Variants in BPTF observed in about 807,000 individuals in gnomAD.
The protein encoded by BPTF is bromodomain PHD finger transcription factor.
A neutral mutation model predicts 292.5 loss-of-function variants in BPTF; 18 were observed. The observed-to-expected ratio is 0.06, with a 90% CI of 0.04 to 0.09. BPTF has a LOEUF of 0.09. Among genes scored for constraint, BPTF ranks in the 10% least tolerant of loss-of-function variants. The pLI, the probability that BPTF is intolerant of heterozygous loss-of-function variation, is 1.00. For synonymous variants in BPTF, 1,225 were observed against 1,251.9 expected, an observed-to-expected ratio of 0.98 and a Z score of 0.45; for missense variants, 2,726 against 3,498.7, an observed-to-expected ratio of 0.78 and a Z score of 5.57.
chr17:67,843,543 T>G (rs1027684895), intron 1 of BPTF, among the ~76,000 whole-genome samples: 21 of 148,852 alleles, frequency 1.4e-4, no homozygotes, highest in African/African-American at 4.9e-4. Context: ...GATATATATA[T>G]AGTATAAATA....
chr17:67,837,102 C>T (rs2057189535), intron 1 of BPTF, among the ~76,000 whole-genome samples: 1 of 152,094 alleles, frequency 6.6e-6, no homozygotes, highest in Non-Finnish European at 1.5e-5. Flanking sequence ...CAGGTTAGGA[C>T]CCTCTTTAAG....
In BPTF at chr17:67,942,304, G is replaced by A. The variant is rs147378367; in HGVS notation, c.6477+1648G>A. The stretch of plus-strand genomic sequence containing the variant: ...CACTCCAACCTAGGCAACAGACTCC[G>A]TCTCAAAAAAAAGAAAAACAAAAAA... On this transcript the variant is annotated intron_variant, in intron 19 of 27. Transcript: ENST00000306378. 2.9e-4 allele frequency among the ~76,000 whole-genome samples: 33 copies of A among 114,900 alleles called. No homozygotes were observed. In the East Asian group the frequency reaches 5.2e-3, roughly 18 times the overall value. The allele number at this position is 114,900 out of a possible 152,430, so 75.4% of individuals were successfully genotyped here. A position where few individuals can be genotyped will look rare whatever the true frequency, so the allele number is the denominator to read the frequency against.
chr17:67,947,969 T>A, intron 22 of BPTF, 112 bp from the exon 23 acceptor site: 1 of 1,288,780 alleles, frequency 7.8e-7, no homozygotes, highest in African/African-American at 1.5e-5. Flanking sequence ...ACTCTTGACG[T>A]TTTCCAGTCA....
At chr17:67,938,060 C>A (rs937061796) in intron 18 of BPTF, among the ~76,000 whole-genome samples, 14 of 152,254 alleles carry the variant, frequency 9.2e-5, no homozygotes, top group Non-Finnish European at 1.9e-4. Context: ...TTGCAGTGAG[C>A]TGAGACCGCC....
At chr17:67,900,537 C>G (rs2061762292) in intron 7 of BPTF, among the ~76,000 whole-genome samples, 1 of 149,546 alleles carries the variant, frequency 6.7e-6, no homozygotes, top group South Asian at 2.2e-4. Context: ...CAAGACCAGC[C>G]TGGGCAACAT....
At chr17:67,919,220 A>C (rs1395042805) in intron 12 of BPTF, among the ~76,000 whole-genome samples, 1 of 143,638 alleles carries the variant, frequency 7.0e-6, no homozygotes, top group Non-Finnish European at 1.5e-5. Context: ...AATAATAATA[A>C]AATATAATGC....
chr17:67,883,533 T>G (rs1374878135), intron 4 of BPTF, among the ~76,000 whole-genome samples: 3 of 152,206 alleles, frequency 2.0e-5, no homozygotes, highest in Non-Finnish European at 4.4e-5. Flanking sequence ...AACCATGTCT[T>G]TCTTTTCTAA....
chr17:67,867,012 A>G (rs73995044), intron 3 of BPTF, among the ~76,000 whole-genome samples: 15,339 of 152,270 alleles, frequency 0.1, 2,641 homozygotes, highest in African/African-American at 0.35. Flanking sequence ...AACTATATCT[A>G]AACATTTAAA....
At chr17:67,862,560 C>T (rs555414097) in intron 2 of BPTF, among the ~76,000 whole-genome samples, 1 of 152,230 alleles carries the variant, frequency 6.6e-6, no homozygotes, top group Admixed American at 6.5e-5. Context: ...AGAATGTGTG[C>T]TCCTAAGCAC....
chr17:67,960,092 C>A (rs1373839995), intron 24 of BPTF: 24 of 441,920 alleles, frequency 5.4e-5, no homozygotes, highest in East Asian at 3.7e-5. Context: ...TTGTTATATT[C>A]TTTTCTGTCA....
chr17:67,862,570 C>T (rs2059148976), intron 2 of BPTF, among the ~76,000 whole-genome samples: 1 of 152,110 alleles, frequency 6.6e-6, no homozygotes, highest in South Asian at 2.1e-4. Context: ...CTCCTAAGCA[C>T]TACTTGGGCT....
intron 4 of BPTF, among the ~76,000 whole-genome samples, chr17:67,885,730 T>C (rs1263532782): frequency 1.3e-5 from 2 of 152,256 alleles, no homozygotes; most frequent in African/African-American, 4.8e-5. Flanking sequence ...AGTAAGACTA[T>C]AAGCTTCAGA....
chr17:67,930,456 C>A (rs2147496450), intron 17 of BPTF, among the ~76,000 whole-genome samples: 1 of 152,108 alleles, frequency 6.6e-6, no homozygotes, highest in Non-Finnish European at 1.5e-5. Context: ...GTCTCGGCCT[C>A]CCAAAGTGCT....
Position 67,925,201 on chromosome 17 carries a change from C to T in BPTF, c.5751+612C>T, listed in dbSNP as rs1180957174. Among the ~76,000 whole-genome samples the T allele has an allele frequency of 9.2e-5, 14 of 152,004 alleles. No homozygotes were observed. The South Asian group carries it at 1.0e-3, about 11-fold the overall frequency. On this transcript the variant is annotated intron_variant, in intron 15 of 27. Transcript: ENST00000306378. Reference sequence around the variant, plus strand: ...AAATAAGATTTCTATTATTTATTATCTTTAGAGTTTCATAAGTAATTTCTG... The same window carrying T: ...AAATAAGATTTCTATTATTTATTATTTTTAGAGTTTCATAAGTAATTTCTG...
chr17:67,846,637 A>G (rs2058048712), intron 1 of BPTF, among the ~76,000 whole-genome samples: 1 of 152,202 alleles, frequency 6.6e-6, no homozygotes, highest in African/African-American at 2.4e-5. Flanking sequence ...AGGTCAAGTC[A>G]GGTGGTTTTT....
rs765650702 is a variant in BPTF, at chr17:67,912,709, G to T, written c.4825G>T (p.Asp1609Tyr). ...SKTVIKVEKG[D>Y]KQTVVSSTEN... ...AACTGTGATCAAGGTAGAAAAAGGC[G>T]ATAAGCAAACTGTGGTTTCTTCCAC... is the stretch of plus-strand genomic sequence containing the variant. The change falls in exon 11 of 28, where the codon GAT (aspartate) becomes TAT (tyrosine). Residue 1609 changes from aspartate (D) to tyrosine (Y), a missense_variant. Physicochemically the swap from Asp to Tyr is radical, Grantham distance 160. Around this residue, in one of 22 missense-constraint regions of BPTF, gnomAD observed 144 missense variants for 177.2 expected, o/e 0.81. Transcript: ENST00000306378. 2.5e-6 allele frequency: 4 copies of T among 1,614,016 alleles called. No individual in the cohort carries two copies. In the East Asian group the frequency reaches 8.9e-5, roughly 36 times the overall value.
At chr17:67,916,881 C>T (rs542070501) in intron 11 of BPTF, among the ~76,000 whole-genome samples, 121 of 151,890 alleles carry the variant, frequency 8.0e-4, no homozygotes, top group African/African-American at 2.8e-3. Flanking sequence ...TTTGTCTACA[C>T]CATAATCAAC....
In BPTF at chr17:67,891,872, C is replaced by T. The variant is rs779058124; in HGVS notation, c.1893C>T (p.Asn631=). Residue 631 remains asparagine, a synonymous_variant, in exon 5 of 28, where the codon AAC becomes AAT. Coordinates refer to ENST00000306378, the MANE Select transcript of BPTF (RefSeq NM_182641.4). ...EVGDFKSEKS[N]GELSESPGAG... is the part of the protein sequence containing the mutation. ...GTGATTTCAAATCGGAGAAGTCCAA[C>T]GGGGAGCTAAGTGAATCTCCTGGAG... 15 of 1,604,862 alleles carry T rather than the reference C, an allele frequency of 9.3e-6. No individual in the cohort carries two copies. The highest frequency in any genetic ancestry group is 2.7e-5 in the African/African-American group (2 of 74,284).
chr17:67,960,551 G>A (rs1568188045), intron 24 of BPTF, among the ~76,000 whole-genome samples: 1 of 152,128 alleles, frequency 6.6e-6, no homozygotes, highest in Admixed American at 6.6e-5. Flanking sequence ...GCACTAAACC[G>A]TAAATGTAGT....
Sources: gnomAD v4.1 joint callset for allele counts (sites outside exome capture counted in the v4.1 genomes callset) on GRCh38, gnomAD v4.1.1 for gene constraint, gnomAD v4.1.1 regional missense constraint, MANE v1.5 for transcripts, NCBI Gene and HGNC (gene_info 2026-07-23, HGNC 2026-07-21) for gene names.